The following UNC80 variants were observed in gnomAD, a reference collection of about 807,000 sequenced individuals.
UNC80 encodes the protein protein unc-80 homolog.
A neutral mutation model predicts 384.6 loss-of-function variants in UNC80; 164 were observed. The observed-to-expected ratio is 0.43, with a 90% CI of 0.38 to 0.49. The LOEUF is 0.49. Among genes scored for constraint, UNC80 ranks in the 20% least tolerant of loss-of-function variants. UNC80 has a pLI of 0.00. For synonymous variants in UNC80, 1,486 were observed against 1,527.8 expected, an observed-to-expected ratio of 0.97 and a Z score of 0.64; for missense variants, 3,330 against 4,143.0, an observed-to-expected ratio of 0.80 and a Z score of 5.39.
At chr2:209,788,919 T>G (rs1330915491) in intron 5 of UNC80, among the ~76,000 whole-genome samples, 2 of 152,174 alleles carry the variant, frequency 1.3e-5, no homozygotes, top group Admixed American at 1.3e-4. Flanking sequence ...TGGTAAGTGC[T>G]CTATATAGGT....
intron 14 of UNC80, 132 bp downstream of exon 14, chr2:209,826,185 T>A (rs766227459): frequency 7.2e-6 from 8 of 1,109,712 alleles, no homozygotes; most frequent in Non-Finnish European, 9.7e-6. Context: ...AATGCTGTTT[T>A]GGTGTGAGGA....
At chr2:209,785,334 G>A (rs953452676) in intron 4 of UNC80, among the ~76,000 whole-genome samples, 2 of 152,138 alleles carry the variant, frequency 1.3e-5, no homozygotes, top group Non-Finnish European at 2.9e-5. Flanking sequence ...CAATATGATA[G>A]CAGAGGATAT....
chr2:209,943,472 G>A lies in UNC80; in HGVS notation c.7008G>A (p.Val2336=). The A allele has an allele frequency of 6.4e-7, 1 of 1,551,884 alleles. No individual in the cohort carries two copies. The change falls in exon 45 of 65, where the codon GTG becomes GTA. Residue 2336 remains valine, a synonymous_variant. Transcript: ENST00000673920. ...ATATTCTACACCGGAAGCCCTTTGT[G>A]CTCCAGCTGTTTGCTAGTGTGGCCC... ...QFYILHRKPF[V]LQLFASVAPL...
chr2:209,893,118 C>G (rs1258759560), intron 26 of UNC80, among the ~76,000 whole-genome samples: 3 of 152,184 alleles, frequency 2.0e-5, no homozygotes, highest in African/African-American at 7.2e-5. Flanking sequence ...CATTAACTCT[C>G]TCATGAATGA....
intron 4 of UNC80, among the ~76,000 whole-genome samples, chr2:209,782,055 A>G (rs1272168706): frequency 6.6e-6 from 1 of 152,112 alleles, no homozygotes; most frequent in Non-Finnish European, 1.5e-5. Flanking sequence ...CCTTAACCCA[A>G]GCTTGTATCA....
Position 209,815,481 on chromosome 2 carries a change from G to T in UNC80, c.1335+90G>T. The T allele has an allele frequency of 1.4e-6, 2 of 1,386,914 alleles. 1 individual carries two copies. The highest frequency in any genetic ancestry group is 2.8e-5 in the South Asian group (2 of 71,106). The allele number at this position is 1,386,914 out of a possible 1,614,324, so 85.9% of individuals were successfully genotyped here. On this transcript the variant is annotated intron_variant, in intron 9 of 64. Coordinates refer to ENST00000673920, the MANE Select transcript of UNC80 (RefSeq NM_001371986.1). ...TGTTTCTGATGATACTGCAGTATGG[G>T]GTGAGGTGGGAAAGGGAACTTAGAA...
chr2:209,810,763 G>A (rs1454921564), intron 7 of UNC80, among the ~76,000 whole-genome samples: 1 of 152,144 alleles, frequency 6.6e-6, no homozygotes, highest in Non-Finnish European at 1.5e-5. Flanking sequence ...GAAATAATTT[G>A]GTCGAACTAA....
intron 33 of UNC80, among the ~76,000 whole-genome samples, chr2:209,920,429 C>T (rs1158252386): frequency 6.6e-6 from 1 of 152,222 alleles, no homozygotes; most frequent in Non-Finnish European, 1.5e-5. Flanking sequence ...AGGCCACTGA[C>T]TCTGTCTCCA....
chr2:209,952,090 T>C (rs928442910), intron 47 of UNC80, among the ~76,000 whole-genome samples: 7 of 152,262 alleles, frequency 4.6e-5, no homozygotes, highest in African/African-American at 1.7e-4. Context: ...CATTTTGTTA[T>C]CTCTTATTTA....
chr2:209,865,298 C>T (rs951479472), intron 22 of UNC80, among the ~76,000 whole-genome samples: 5 of 151,796 alleles, frequency 3.3e-5, no homozygotes, highest in Admixed American at 6.6e-5. Context: ...CTTTACTCTT[C>T]CCTCAAAAAA....
At chr2:209,921,434 A>G (rs1158967501) in intron 33 of UNC80, 66 bp from the exon 34 acceptor site, 3 of 1,413,562 alleles carry the variant, frequency 2.1e-6, no homozygotes, top group African/African-American at 1.4e-5. Context: ...TCATTGGAAC[A>G]CTCTTTATGC....
At chr2:209,808,516 C>G (rs1160868884) in intron 7 of UNC80, among the ~76,000 whole-genome samples, 9 of 140,014 alleles carry the variant, frequency 6.4e-5, no homozygotes, top group African/African-American at 2.5e-4. Context: ...GAGCCGATAT[C>G]GCGCCACTAA....
chr2:209,888,278 T>A lies in UNC80; in HGVS notation c.4276+18T>A. 6.4e-7 allele frequency: 1 copy of A among 1,550,660 alleles called. No individual in the cohort carries two copies. Among genetic ancestry groups the A allele is most frequent in the Non-Finnish European group, 8.7e-7 (1 of 1,146,368 alleles). On this transcript the variant is annotated intron_variant, in intron 26 of 64. Coordinates refer to ENST00000673920, the MANE Select transcript of UNC80 (RefSeq NM_001371986.1). Reference sequence around the variant, plus strand: ...GAAGAAAGGTATGGAAACACAAAGGTTCCTTCATGTTTCAGGGTTTCTTGT... The same window carrying A: ...GAAGAAAGGTATGGAAACACAAAGGATCCTTCATGTTTCAGGGTTTCTTGT...
intron 44 of UNC80, 90 bp from the exon 45 acceptor site, chr2:209,943,290 C>T: frequency 6.8e-7 from 1 of 1,461,770 alleles, no homozygotes; most frequent in Non-Finnish European, 9.1e-7. Flanking sequence ...CCATTTCCCT[C>T]CAAGCTTCCC....
chr2:209,895,664 G>C (rs538366385), intron 27 of UNC80, among the ~76,000 whole-genome samples: 3 of 152,274 alleles, frequency 2.0e-5, no homozygotes, highest in African/African-American at 7.2e-5. Context: ...TCATTAAAAA[G>C]ATCTATAAAA....
intron 4 of UNC80, among the ~76,000 whole-genome samples, chr2:209,781,265 A>G (rs1228279394): frequency 2.6e-5 from 4 of 152,166 alleles, no homozygotes; most frequent in Non-Finnish European, 5.9e-5. Context: ...AACTACCCAC[A>G]GGGATGTGTG....
chr2:209,956,498 G>T lies in UNC80; in HGVS notation c.7458-1146G>T, dbSNP rs571310699. 3.0e-4 allele frequency among the ~76,000 whole-genome samples: 45 copies of T among 152,234 alleles called. No homozygotes were observed. In the South Asian group the frequency reaches 8.7e-3, roughly 30 times the overall value. On this transcript the variant is annotated intron_variant, in intron 48 of 64. Coordinates refer to ENST00000673920, the MANE Select transcript of UNC80 (RefSeq NM_001371986.1). ...CCAGGCACCACTCTGCATTGAGAAG[G>T]CACCTGCATTTCTTCTCACATGCTC... is the stretch of plus-strand genomic sequence containing the variant.
rs2124823008 is a variant in UNC80, at chr2:209,842,410, G to A, written c.3418G>A (p.Gly1140Arg). 1 of 1,551,058 alleles carries A rather than the reference G, an allele frequency of 6.4e-7. No individual in the cohort carries two copies. Reference sequence around the variant, plus strand: ...TGGGCCAGGAAGTGGCATGGAAAATGGAAGAGATGAAGAGGAGAATTTCTT... The same window carrying A: ...TGGGCCAGGAAGTGGCATGGAAAATAGAAGAGATGAAGAGGAGAATTTCTT... ...EGGPGSGMEN[G>R]RDEEENFFKR... Residue 1140 changes from glycine (G) to arginine (R), a missense_variant, in exon 21 of 65, where the codon GGA (glycine) becomes AGA (arginine). Transcript: ENST00000673920.
At chr2:209,848,299 T>C (rs550483318) in intron 21 of UNC80, among the ~76,000 whole-genome samples, 3 of 152,138 alleles carry the variant, frequency 2.0e-5, no homozygotes, top group African/African-American at 7.2e-5. Flanking sequence ...TGATAAAAAA[T>C]ATGCTATACT....
Sources: allele counts gnomAD v4.1 joint callset (sites outside exome capture counted in the v4.1 genomes callset), GRCh38; gene constraint gnomAD v4.1.1; transcripts MANE v1.5; gene names NCBI Gene and HGNC (gene_info 2026-07-23, HGNC 2026-07-21).